SUGCT: variants seen among roughly 807,000 people sequenced by gnomAD.
SUGCT encodes succinyl-CoA:glutarate CoA-transferase.
SUGCT carries 41 observed loss-of-function variants against 55.0 expected under a neutral mutation model. That is an observed-to-expected ratio of 0.74 (90% confidence interval 0.58 to 0.97). The LOEUF is 0.97. Ranked by LOEUF, SUGCT falls within the 50% of genes least tolerant of loss-of-function variation. SUGCT has a pLI of 0.00. For missense variants in SUGCT, 568 were observed against 547.8 expected (o/e 1.04, Z -0.37); for synonymous variants, 187 against 200.4 (o/e 0.93, Z 0.56).
At chr7:40,873,110 G>C in the SUGCT span, among the ~76,000 whole-genome samples, 1 of 152,062 alleles carries the variant, frequency 6.6e-6, no homozygotes, top group Non-Finnish European at 1.5e-5. Flanking sequence ...GCTTTCAAGA[G>C]GTACTTAAGG....
At chr7:40,315,338 A>G (rs1795367936) in intron 8 of SUGCT, among the ~76,000 whole-genome samples, 1 of 152,228 alleles carries the variant, frequency 6.6e-6, no homozygotes, top group Non-Finnish European at 1.5e-5. Context: ...AAGACACAGA[A>G]GTGATCTGTG....
intron 12 of SUGCT, among the ~76,000 whole-genome samples, chr7:40,659,049 G>T (rs1444562845): frequency 1.3e-5 from 2 of 152,152 alleles, no homozygotes; most frequent in Non-Finnish European, 2.9e-5. Flanking sequence ...TCTAGTCTGG[G>T]AGCAGTCACT....
intron 6 of SUGCT, among the ~76,000 whole-genome samples, chr7:40,212,342 T>C (rs1185047386): frequency 8.5e-6 from 1 of 117,450 alleles, no homozygotes; most frequent in Non-Finnish European, 1.9e-5. Flanking sequence ...AGAGGATTGC[T>C]TGTGCCAGGA....
At chr7:40,853,076 CAA>C (rs60985337) in intron 13 of SUGCT, among the ~76,000 whole-genome samples, 17 of 95,102 alleles carry the variant, frequency 1.8e-4, no homozygotes, top group Non-Finnish European at 1.5e-4. Flanking sequence ...CACAACACTT[CAA>C]AAAAAAAAAA....
At chr7:40,798,601 T>C (rs556184216) in intron 13 of SUGCT, among the ~76,000 whole-genome samples, 1 of 152,208 alleles carries the variant, frequency 6.6e-6, no homozygotes, top group Non-Finnish European at 1.5e-5. Context: ...TCAAAACACA[T>C]TGGTGTCTTG....
intron 12 of SUGCT, among the ~76,000 whole-genome samples, chr7:40,747,431 G>C (rs753902756): frequency 1.5e-4 from 23 of 152,190 alleles, no homozygotes; most frequent in Non-Finnish European, 3.2e-4. Context: ...TTAACAAAGT[G>C]AGAAAACATT....
At chr7:40,585,331 T>C (rs930957259) in intron 12 of SUGCT, among the ~76,000 whole-genome samples, 5 of 152,146 alleles carry the variant, frequency 3.3e-5, no homozygotes, top group African/African-American at 1.2e-4. Flanking sequence ...CTGAAATGAG[T>C]CTTCCAGCAG....
At chr7:40,806,066 C>T (rs1791073430) in intron 13 of SUGCT, among the ~76,000 whole-genome samples, 1 of 152,032 alleles carries the variant, frequency 6.6e-6, no homozygotes, top group African/African-American at 2.4e-5. Flanking sequence ...AAGTGAAACC[C>T]ATTAAGTTTG....
At chr7:40,599,937 C>T (rs1160650154) in intron 12 of SUGCT, among the ~76,000 whole-genome samples, 1 of 152,070 alleles carries the variant, frequency 6.6e-6, no homozygotes, top group Non-Finnish European at 1.5e-5. Flanking sequence ...TGCCGGGATA[C>T]CTGCGTTTCT....
intron 12 of SUGCT, among the ~76,000 whole-genome samples, chr7:40,531,123 A>T (rs1372406116): frequency 6.6e-6 from 1 of 152,234 alleles, no homozygotes; most frequent in Non-Finnish European, 1.5e-5. Flanking sequence ...AGCCAAGGGG[A>T]TGAATGAAGC....
At chr7:40,904,620 A>T in the SUGCT span, among the ~76,000 whole-genome samples, 1 of 152,158 alleles carries the variant, frequency 6.6e-6, no homozygotes, top group Non-Finnish European at 1.5e-5. Context: ...CTGGAGATGG[A>T]TGGTGATGAT....
the SUGCT span, among the ~76,000 whole-genome samples, chr7:41,021,873 A>G: frequency 2.0e-5 from 3 of 152,164 alleles, no homozygotes; most frequent in African/African-American, 7.2e-5. Flanking sequence ...ATAAACACAG[A>G]TATAAAATCT....
At position 40,136,548 on chromosome 7, in the gene SUGCT, C is replaced by T. The variant is rs182131051; in HGVS notation, c.100+1428C>T. Among the ~76,000 whole-genome samples the T allele has an allele frequency of 6.4e-3, 969 of 152,292 alleles. 8 individuals carry two copies. The highest frequency in any genetic ancestry group is 0.024 in the South Asian group (116 of 4,832). On this transcript the variant is annotated intron_variant, in intron 1 of 13. Coordinates refer to ENST00000335693, the MANE Select transcript of SUGCT (RefSeq NM_001193313.2). ...AAATTCAATTCACTACATTTCGTTT[C>T]TTCTGTAGATACAAGTGATAGACTT... is the stretch of plus-strand genomic sequence containing the variant.
At chr7:40,946,213 T>C in the SUGCT span, among the ~76,000 whole-genome samples, 9 of 152,206 alleles carry the variant, frequency 5.9e-5, no homozygotes, top group Admixed American at 2.0e-4. Context: ...TATGCTTGCT[T>C]TATACTACCT....
intron 12 of SUGCT, among the ~76,000 whole-genome samples, chr7:40,629,449 CA>C (rs1323939193): frequency 6.6e-6 from 1 of 152,104 alleles, no homozygotes; most frequent in Non-Finnish European, 1.5e-5. Context: ...GCCTCACAGA[CA>C]AGAGGCAGAG....
chr7:40,952,821 C>T, the SUGCT span, among the ~76,000 whole-genome samples: 1 of 152,196 alleles, frequency 6.6e-6, no homozygotes, highest in Non-Finnish European at 1.5e-5. Context: ...CTGACAGATC[C>T]ACTGTTAGTC....
chr7:40,718,068 G>C (rs1146040), intron 12 of SUGCT, among the ~76,000 whole-genome samples: 2 of 151,940 alleles, frequency 1.3e-5, no homozygotes, highest in African/African-American at 4.8e-5. Flanking sequence ...ACAAATGAAA[G>C]TGCTTTTGGA....
At chr7:40,556,845 G>T (rs62451206) in intron 12 of SUGCT, among the ~76,000 whole-genome samples, 4 of 152,132 alleles carry the variant, frequency 2.6e-5, no homozygotes, top group African/African-American at 7.2e-5. Flanking sequence ...TAAAAATTGC[G>T]TTGAATGACA....
intron 12 of SUGCT, among the ~76,000 whole-genome samples, chr7:40,646,637 C>T (rs1400610077): frequency 6.6e-6 from 1 of 152,190 alleles, no homozygotes; most frequent in Non-Finnish European, 1.5e-5. Context: ...CTTTCCCAGT[C>T]TTTGCACGGC....
Sources: gnomAD v4.1 joint callset for allele counts (sites outside exome capture counted in the v4.1 genomes callset) on GRCh38, gnomAD v4.1.1 for gene constraint, MANE v1.5 for transcripts, NCBI Gene and HGNC (gene_info 2026-07-23, HGNC 2026-07-21) for gene names.